ITGA8: variants seen among roughly 807,000 people sequenced by gnomAD.
ITGA8 encodes the protein integrin alpha-8.
A neutral mutation model predicts 142.3 loss-of-function variants in ITGA8; 91 were observed. The observed-to-expected ratio is 0.64, with a 90% CI of 0.54 to 0.76. ITGA8 has a LOEUF of 0.76. ITGA8 is among the 30% of genes least tolerant of loss of function. The probability of loss-of-function intolerance (pLI) is 0.00; values close to 1 mark genes in which losing one functional copy is unlikely to be tolerated. For missense variants in ITGA8, 1,406 were observed against 1,327.7 expected, an observed-to-expected ratio of 1.06 and a Z score of -0.92; for synonymous variants, 505 against 485.2, an observed-to-expected ratio of 1.04 and a Z score of -0.54.
At chr10:15,696,106 C>A (rs996971291) in intron 2 of ITGA8, among the ~76,000 whole-genome samples, 1 of 152,184 alleles carries the variant, frequency 6.6e-6, no homozygotes, top group African/African-American at 2.4e-5. Context: ...AGGGTAGGGC[C>A]GCCTGTCGTC....
intron 13 of ITGA8, among the ~76,000 whole-genome samples, chr10:15,636,976 C>T (rs757570996): frequency 6.6e-6 from 1 of 152,144 alleles, no homozygotes; most frequent in Non-Finnish European, 1.5e-5. Context: ...GAAACCCCAT[C>T]TCTATGAAAA....
At chr10:15,623,733 A>G (rs1038472827) in intron 13 of ITGA8, among the ~76,000 whole-genome samples, 1 of 152,170 alleles carries the variant, frequency 6.6e-6, no homozygotes, top group Admixed American at 6.5e-5. Flanking sequence ...ACATTTTATT[A>G]TGATAAATTT....
At chr10:15,620,635 A>T (rs191973111) in intron 13 of ITGA8, among the ~76,000 whole-genome samples, 1 of 152,368 alleles carries the variant, frequency 6.6e-6, no homozygotes, top group East Asian at 1.9e-4. Flanking sequence ...TGCCTGCTAG[A>T]AAGAGCCAGA....
At chr10:15,521,175 C>T (rs1217461693) in intron 28 of ITGA8, among the ~76,000 whole-genome samples, 2 of 149,766 alleles carry the variant, frequency 1.3e-5, no homozygotes, top group African/African-American at 2.5e-5. Flanking sequence ...TGTGCCACCA[C>T]ACCCAGCTAT....
chr10:15,546,161 G>C (rs73598785), intron 27 of ITGA8, among the ~76,000 whole-genome samples: 28,562 of 151,968 alleles, frequency 0.19, 3,481 homozygotes, highest in African/African-American at 0.35. Flanking sequence ...AGAAGCAGCC[G>C]CACTCCCTAC....
intron 2 of ITGA8, among the ~76,000 whole-genome samples, chr10:15,715,408 T>C (rs1400183089): frequency 6.6e-6 from 1 of 152,194 alleles, no homozygotes; most frequent in Non-Finnish European, 1.5e-5. Flanking sequence ...GTCATAATCC[T>C]GAACTTGCAG....
chr10:15,540,251 T>C (rs1363913117), intron 27 of ITGA8, among the ~76,000 whole-genome samples: 2 of 152,192 alleles, frequency 1.3e-5, no homozygotes, highest in Non-Finnish European at 2.9e-5. Flanking sequence ...CTTCTGACCG[T>C]ATTTTTGTAC....
At chr10:15,692,155 A>C (rs1834947667) in intron 2 of ITGA8, among the ~76,000 whole-genome samples, 1 of 150,802 alleles carries the variant, frequency 6.6e-6, no homozygotes, top group Admixed American at 6.6e-5. Context: ...CTGGCCTTGA[A>C]CTCCTGAACT....
intron 2 of ITGA8, among the ~76,000 whole-genome samples, chr10:15,718,271 T>C (rs1835490436): frequency 1.3e-5 from 2 of 152,226 alleles, no homozygotes; most frequent in Non-Finnish European, 2.9e-5. Flanking sequence ...TCTAATACTT[T>C]GAAAGAAAAT....
Position 15,604,252 on chromosome 10 carries a change from T to C in ITGA8, c.2074A>G (p.Ile692Val). 1 of 1,613,648 alleles carries C rather than the reference T, an allele frequency of 6.2e-7. No individual in the cohort carries two copies. Among genetic ancestry groups the C allele is most frequent in the Non-Finnish European group, 8.5e-7 (1 of 1,179,776 alleles). Residue 692 changes from isoleucine (I) to valine (V), a missense_variant, in exon 20 of 30, where the codon ATA becomes GTA. Physicochemically the swap from Ile to Val is conservative, Grantham distance 29. Transcript: ENST00000378076. ...GAYEAELFVM[I>V]PEEADYVGIE... The stretch of plus-strand genomic sequence containing the variant: ...CCAACATAATCTGCCTCTTCTGGTA[T>C]CATTACAAAGAGTTCAGCTTCATAT...
rs1834008140 is a variant in ITGA8 at position 15,647,564 on chromosome 10, G to A, written c.1002-513C>T. On this transcript the variant is annotated intron_variant, in intron 11 of 29. Coordinates refer to ENST00000378076, the MANE Select transcript of ITGA8 (RefSeq NM_003638.3). ...TGCAAGCTCCGCTTCCCGGGTTCAC[G>A]CCATTCTCCTGCCTCAGCCTCCCGA... 4.8e-5 allele frequency among the ~76,000 whole-genome samples: 7 copies of A among 144,428 alleles called. No individual in the cohort carries two copies. The South Asian group carries it at 1.4e-3, about 28-fold the overall frequency. The allele number at this position is 144,428 out of a possible 152,430, so 94.8% of individuals were successfully genotyped here.
chr10:15,570,326 G>A (rs1340047604), intron 25 of ITGA8, among the ~76,000 whole-genome samples: 3 of 152,124 alleles, frequency 2.0e-5, no homozygotes, highest in Admixed American at 2.0e-4. Context: ...AATAAGTGGG[G>A]GCGGGGCGCA....
chr10:15,558,354 G>A (rs114268426), intron 25 of ITGA8, 152 bp from the exon 26 acceptor site: 1 of 839,502 alleles, frequency 1.2e-6, no homozygotes, highest in South Asian at 1.8e-5. Context: ...GTGTTTAACA[G>A]TGACATGACC....
chr10:15,641,035 G>A (rs1833862081), intron 13 of ITGA8, among the ~76,000 whole-genome samples: 1 of 152,134 alleles, frequency 6.6e-6, no homozygotes, highest in African/African-American at 2.4e-5. Flanking sequence ...CCTTGGGAGG[G>A]TAGCTACACA....
At chr10:15,626,132 C>A (rs1222663830) in intron 13 of ITGA8, among the ~76,000 whole-genome samples, 1 of 152,186 alleles carries the variant, frequency 6.6e-6, no homozygotes, top group East Asian at 1.9e-4. Flanking sequence ...CACACCTGGT[C>A]CAACCAATCT....
intron 18 of ITGA8, 115 bp from the exon 19 acceptor site, chr10:15,605,906 A>G (rs1216474706): frequency 1.1e-6 from 1 of 880,224 alleles, no homozygotes; most frequent in Non-Finnish European, 1.8e-6. Context: ...CTCACTATGC[A>G]TGACTCTACC....
At chr10:15,584,929 C>A (rs1366753926) in intron 23 of ITGA8, among the ~76,000 whole-genome samples, 1 of 152,044 alleles carries the variant, frequency 6.6e-6, no homozygotes, top group Admixed American at 6.6e-5. Context: ...TGGTGCATGC[C>A]TGTAATCCCA....
chr10:15,670,022 C>T (rs1004655067), intron 8 of ITGA8, among the ~76,000 whole-genome samples: 4 of 152,112 alleles, frequency 2.6e-5, no homozygotes, highest in African/African-American at 7.2e-5. Flanking sequence ...CTGGGAGAAC[C>T]ACTACTCTCT....
chr10:15,668,919 G>A (rs1834451878), intron 8 of ITGA8, among the ~76,000 whole-genome samples: 1 of 152,206 alleles, frequency 6.6e-6, no homozygotes, highest in Non-Finnish European at 1.5e-5. Context: ...CCCTTTGTGG[G>A]TAACCCGACC....
Sources: allele counts gnomAD v4.1 joint callset (sites outside exome capture counted in the v4.1 genomes callset), GRCh38; gene constraint gnomAD v4.1.1; transcripts MANE v1.5; gene names NCBI Gene and HGNC (gene_info 2026-07-23, HGNC 2026-07-21).